PRKN: variants seen among roughly 807,000 people sequenced by gnomAD.
PRKN encodes E3 ubiquitin-protein ligase parkin.
PRKN carries 56 observed loss-of-function variants against 59.5 expected under a neutral mutation model. The ratio of observed to expected loss-of-function variants is 0.94; its 90% CI spans 0.76 to 1.18. The LOEUF is 1.18. PRKN is among the 50% of genes most tolerant of loss of function. The pLI is 0.00. For synonymous variants in PRKN, 250 were observed against 222.1 expected, an observed-to-expected ratio of 1.13 and a Z score of -1.12; for missense variants, 657 against 596.4, an observed-to-expected ratio of 1.10 and a Z score of -1.06.
chr6:162,546,820 A>G (rs1006559397), intron 1 of PRKN, among the ~76,000 whole-genome samples: 1 of 152,170 alleles, frequency 6.6e-6, no homozygotes, highest in Non-Finnish European at 1.5e-5. Context: ...TAATTGAAAG[A>G]CAGTCAGTGT....
In PRKN at chr6:162,691,190, A is replaced by T. The variant is rs551674676; in HGVS notation, c.7+36472T>A. Reference sequence around the variant, plus strand: ...ATTTCTTTCAACAAATGCCCCTACTATATCTAAATATATAGTTGGAAATGT... The same window carrying T: ...ATTTCTTTCAACAAATGCCCCTACTTTATCTAAATATATAGTTGGAAATGT... On this transcript the variant is annotated intron_variant, in intron 1 of 11. Coordinates refer to ENST00000366898, the MANE Select transcript of PRKN (RefSeq NM_004562.3). Among the ~76,000 whole-genome samples the T allele has an allele frequency of 1.1e-4, 16 of 152,268 alleles. No homozygotes were observed. In the East Asian group the frequency reaches 1.7e-3, roughly 17 times the overall value.
At chr6:162,492,354 G>A (rs1792855113) in intron 1 of PRKN, among the ~76,000 whole-genome samples, 1 of 152,208 alleles carries the variant, frequency 6.6e-6, no homozygotes, top group South Asian at 2.1e-4. Context: ...ATTCAATGCA[G>A]GCTGAGCTCC....
chr6:161,849,239 A>G (rs1040797171), intron 6 of PRKN, among the ~76,000 whole-genome samples: 4 of 152,078 alleles, frequency 2.6e-5, no homozygotes, highest in African/African-American at 9.7e-5. Flanking sequence ...AGTCTGCGTG[A>G]CGGACCCCCA....
At chr6:162,463,546 G>A (rs569028194) in intron 1 of PRKN, among the ~76,000 whole-genome samples, 4 of 152,024 alleles carry the variant, frequency 2.6e-5, no homozygotes, top group South Asian at 2.1e-4. Flanking sequence ...CCTGAGCTCC[G>A]GGTTCCTCTC....
intron 2 of PRKN, among the ~76,000 whole-genome samples, chr6:162,384,965 A>T (rs1332101099): frequency 6.6e-6 from 1 of 152,170 alleles, no homozygotes; most frequent in Non-Finnish European, 1.5e-5. Context: ...GTCCCACTTT[A>T]GTATGAAGGG....
At chr6:162,399,849 C>T (rs1787671036) in intron 2 of PRKN, among the ~76,000 whole-genome samples, 1 of 151,706 alleles carries the variant, frequency 6.6e-6, no homozygotes, top group African/African-American at 2.4e-5. Flanking sequence ...AAAAGCACTA[C>T]AAGGAAAAAG....
At chr6:162,558,266 C>T (rs764108283) in intron 1 of PRKN, among the ~76,000 whole-genome samples, 3 of 151,758 alleles carry the variant, frequency 2.0e-5, no homozygotes, top group Admixed American at 1.3e-4. Context: ...CAAACTATTC[C>T]GGATTCCCCA....
intron 7 of PRKN, among the ~76,000 whole-genome samples, chr6:161,766,314 A>ATTTTTTTTTT (rs758294050): frequency 7.9e-5 from 11 of 139,604 alleles, no homozygotes; most frequent in African/African-American, 8.1e-5. Context: ...CATTGACCAC[A>ATTTTTTTTTT]TTTTTTTTTT....
intron 9 of PRKN, among the ~76,000 whole-genome samples, chr6:161,403,139 C>A (rs1042611660): frequency 6.6e-6 from 1 of 152,092 alleles, no homozygotes; most frequent in Non-Finnish European, 1.5e-5. Context: ...CAGTGCTGGG[C>A]GCCCTTCCTC....
chr6:162,584,346 T>C (rs1780924721), intron 1 of PRKN, among the ~76,000 whole-genome samples: 1 of 152,126 alleles, frequency 6.6e-6, no homozygotes, highest in African/African-American at 2.4e-5. Context: ...AAGTTATTCT[T>C]AACCAACATG....
At chr6:162,437,550 T>C (rs902735464) in intron 2 of PRKN, among the ~76,000 whole-genome samples, 1 of 152,158 alleles carries the variant, frequency 6.6e-6, no homozygotes, top group African/African-American at 2.4e-5. Context: ...GTCCCTTCTG[T>C]TACCCTTTCA....
At chr6:161,564,917 C>T (rs919524922) in intron 8 of PRKN, among the ~76,000 whole-genome samples, 1 of 152,208 alleles carries the variant, frequency 6.6e-6, no homozygotes, top group Admixed American at 6.5e-5. Context: ...TCGGTGCTGA[C>T]CATGCAGCTC....
rs913045289 is a variant in PRKN at position 161,459,764 on chromosome 6, T to C, written c.1084-72887A>G. Among the ~76,000 whole-genome samples, 6 of 152,154 alleles carry C rather than the reference T, an allele frequency of 3.9e-5. No individual in the cohort carries two copies. The highest frequency in any genetic ancestry group is 5.9e-5 in the Non-Finnish European group (4 of 68,030). On this transcript the variant is annotated intron_variant, in intron 9 of 11. Coordinates refer to ENST00000366898, the MANE Select transcript of PRKN (RefSeq NM_004562.3). This position sits in a 1 kb window ranked among gnomAD's most constrained non-coding sequence, Gnocchi z 4.8. ...ATAACATTTGCTATAATTATAACAGTTCAGTTATTTGGTTTTCTCTTTGTC... is the reference window on the plus strand; with the variant it reads ...ATAACATTTGCTATAATTATAACAGCTCAGTTATTTGGTTTTCTCTTTGTC...
intron 4 of PRKN, among the ~76,000 whole-genome samples, chr6:162,151,211 T>C (rs1383446173): frequency 6.6e-6 from 1 of 152,182 alleles, no homozygotes; most frequent in Non-Finnish European, 1.5e-5. Flanking sequence ...CACTCGTAAG[T>C]GGGTCAGAGG....
At chr6:162,420,364 T>C (rs967722479) in intron 2 of PRKN, among the ~76,000 whole-genome samples, 4 of 152,166 alleles carry the variant, frequency 2.6e-5, no homozygotes, top group Admixed American at 2.6e-4. Context: ...CTTTGTCTTC[T>C]ATTAGTTAAA....
At chr6:162,024,292 G>A (rs932802796) in intron 5 of PRKN, among the ~76,000 whole-genome samples, 3 of 136,872 alleles carry the variant, frequency 2.2e-5, no homozygotes, top group African/African-American at 8.5e-5. Context: ...CTGCCTCCCA[G>A]GTTCAAGCAA....
intron 2 of PRKN, among the ~76,000 whole-genome samples, chr6:162,368,847 A>G (rs1785596029): frequency 6.6e-6 from 1 of 152,210 alleles, no homozygotes; most frequent in African/African-American, 2.4e-5. Context: ...ACAGAGAGCC[A>G]AACCTGTGTC....
In PRKN at chr6:162,623,708, G is replaced by A. The variant is rs137940829; in HGVS notation, c.7+103954C>T. Among the ~76,000 whole-genome samples the A allele has an allele frequency of 8.5e-3, 1,289 of 152,004 alleles. 19 individuals are homozygous for A. Among genetic ancestry groups the A allele is most frequent in the African/African-American group, 0.029 (1,215 of 41,450 alleles). ...ACAGGTCATGGCAGTCAAAAGAACT[G>A]TCATATAAAATGTACATCTAGTAAG... On this transcript the variant is annotated intron_variant, in intron 1 of 11. Coordinates refer to ENST00000366898, the MANE Select transcript of PRKN (RefSeq NM_004562.3).
chr6:161,607,088 C>T (rs149013907), intron 7 of PRKN, among the ~76,000 whole-genome samples: 26 of 152,298 alleles, frequency 1.7e-4, no homozygotes, highest in African/African-American at 5.3e-4. Flanking sequence ...AAACCCTACA[C>T]CTCCCCACCA....
Sources: gnomAD v4.1 joint callset for allele counts (sites outside exome capture counted in the v4.1 genomes callset) on GRCh38, gnomAD v4.1.1 for gene constraint, Gnocchi (gnomAD v3.1) non-coding constraint, MANE v1.5 for transcripts, NCBI Gene and HGNC (gene_info 2026-07-23, HGNC 2026-07-21) for gene names.